WWC2: variants seen among roughly 807,000 people sequenced by gnomAD.
WWC2 encodes the protein WW and C2 domain containing 2.
In WWC2, 101 loss-of-function variants were observed where a neutral mutation model predicts 138.5. The ratio of observed to expected loss-of-function variants is 0.73; its 90% CI spans 0.62 to 0.86. WWC2 has a LOEUF of 0.86. WWC2 is among the 40% of genes least tolerant of loss of function. The pLI is 0.00. For synonymous variants in WWC2, 558 were observed against 538.4 expected, an observed-to-expected ratio of 1.04 and a Z score of -0.50; for missense variants, 1,420 against 1,419.4, an observed-to-expected ratio of 1.00 and a Z score of -0.01.
At chr4:183,161,007 A>G (rs907791121) in intron 1 of WWC2, among the ~76,000 whole-genome samples, 3 of 152,054 alleles carry the variant, frequency 2.0e-5, no homozygotes, top group African/African-American at 4.8e-5. Context: ...AATAAAATCT[A>G]TGCTTCTCTG....
intron 1 of WWC2, among the ~76,000 whole-genome samples, chr4:183,100,683 A>G (rs993325939): frequency 1.5e-4 from 23 of 152,328 alleles, no homozygotes; most frequent in African/African-American, 5.5e-4. Context: ...GAAATACCTA[A>G]CTACTTTATA....
At chr4:183,293,296 G>T (rs1388947476) in intron 21 of WWC2, among the ~76,000 whole-genome samples, 2 of 152,132 alleles carry the variant, frequency 1.3e-5, no homozygotes, top group Non-Finnish European at 2.9e-5. Context: ...AAAAATACAT[G>T]TTGACCATGT....
intron 1 of WWC2, among the ~76,000 whole-genome samples, chr4:183,134,227 C>T (rs1733040937): frequency 6.6e-6 from 1 of 151,510 alleles, no homozygotes; most frequent in African/African-American, 2.4e-5. Flanking sequence ...TTGACACTGA[C>T]ATTGTTCATC....
chr4:183,155,160 C>T (rs188225279), intron 1 of WWC2, among the ~76,000 whole-genome samples: 10 of 150,412 alleles, frequency 6.6e-5, no homozygotes, highest in Admixed American at 6.6e-4. Context: ...TATTTATTTG[C>T]AGCAAGTTCT....
intron 1 of WWC2, among the ~76,000 whole-genome samples, chr4:183,167,859 ATT>A (rs11389702): frequency 1.4e-5 from 2 of 141,504 alleles, no homozygotes; most frequent in Non-Finnish European, 3.0e-5. Flanking sequence ...GAAGTTTGTG[ATT>A]TTTTTTTTTT....
At chr4:183,161,993 T>A (rs915326113) in intron 1 of WWC2, among the ~76,000 whole-genome samples, 1 of 152,202 alleles carries the variant, frequency 6.6e-6, no homozygotes, top group East Asian at 1.9e-4. Context: ...TGGAGATGTC[T>A]CAGGGGAAGT....
At chr4:183,220,300 G>A (rs1735884214) in intron 4 of WWC2, among the ~76,000 whole-genome samples, 1 of 152,104 alleles carries the variant, frequency 6.6e-6, no homozygotes, top group Non-Finnish European at 1.5e-5. Flanking sequence ...TTAAATAATT[G>A]TAATTAATTT....
intron 6 of WWC2, among the ~76,000 whole-genome samples, chr4:183,247,513 C>T (rs150879828): frequency 0.037 from 5,164 of 138,934 alleles, 349 homozygotes; most frequent in African/African-American, 0.14. Context: ...ACTATATATA[C>T]ACTATACTAT....
At chr4:183,296,367 G>A (rs1427849390) in intron 21 of WWC2, among the ~76,000 whole-genome samples, 1 of 152,222 alleles carries the variant, frequency 6.6e-6, no homozygotes, top group Non-Finnish European at 1.5e-5. Context: ...CGAAGATCAT[G>A]GGACTGTTCA....
At position 183,271,168 on chromosome 4, in the gene WWC2, C is replaced by G; in HGVS notation, c.2489C>G (p.Pro830Arg). ...AACTTGCTTCCTTCCAAGCAAATGC[C>G]TTGCAAAAAGAATGAAGAAAATGAG... ...WYNLLPSKQM[P>R]CKKNEENEDS... Residue 830 changes from proline (P) to arginine (R), a missense_variant, in exon 16 of 23, where the codon CCT becomes CGT. Physicochemically the swap from Pro to Arg is moderately radical, Grantham distance 103. Transcript: ENST00000403733. 2 of 1,612,646 alleles carry G rather than the reference C, an allele frequency of 1.2e-6. No individual in the cohort carries two copies. The highest frequency in any genetic ancestry group is 1.7e-6 in the Non-Finnish European group (2 of 1,179,370).
rs1739298145 is a variant in WWC2 at position 183,312,627 on chromosome 4, T to C, written c.3512+159T>C. ...AATTTTCCATTTGCACCTGAGGTGA[T>C]AAATGTGACTGGCAGAGTTAAAGGC... is the stretch of plus-strand genomic sequence containing the variant. On this transcript the variant is annotated intron_variant, in intron 22 of 22. Coordinates refer to ENST00000403733, the MANE Select transcript of WWC2 (RefSeq NM_024949.6). Among the ~76,000 whole-genome samples the C allele has an allele frequency of 2.6e-5, 4 of 152,194 alleles. No individual in the cohort carries two copies. In the South Asian group the frequency reaches 8.3e-4, roughly 31 times the overall value.
intron 4 of WWC2, among the ~76,000 whole-genome samples, chr4:183,227,112 T>TCCCACC (rs1482297441): frequency 7.2e-6 from 1 of 138,346 alleles, no homozygotes; most frequent in East Asian, 2.2e-4. Context: ...CTAGCATACC[T>TCCCACC]CCCACCACCA....
intron 16 of WWC2, among the ~76,000 whole-genome samples, chr4:183,277,183 G>T (rs984880226): frequency 1.8e-4 from 25 of 138,780 alleles, no homozygotes; most frequent in African/African-American, 5.4e-4. Context: ...TCCTGTGTCC[G>T]TGTGATCTCA....
chr4:183,125,735 T>G (rs896164847), intron 1 of WWC2, among the ~76,000 whole-genome samples: 3 of 152,184 alleles, frequency 2.0e-5, no homozygotes, highest in African/African-American at 7.2e-5. Flanking sequence ...TTTACTTGAG[T>G]CTGTAGGTGT....
intron 4 of WWC2, among the ~76,000 whole-genome samples, chr4:183,236,029 G>C (rs1736413441): frequency 6.6e-6 from 1 of 152,072 alleles, no homozygotes; most frequent in Non-Finnish European, 1.5e-5. Flanking sequence ...CTTGATTTTT[G>C]TATATGAGAG....
At chr4:183,163,642 T>G (rs1477532690) in intron 1 of WWC2, among the ~76,000 whole-genome samples, 3 of 152,206 alleles carry the variant, frequency 2.0e-5, no homozygotes, top group Admixed American at 2.0e-4. Flanking sequence ...TCATTTTGGT[T>G]GTTTGACTTG....
chr4:183,188,487 C>G (rs957493842), intron 1 of WWC2, among the ~76,000 whole-genome samples: 2 of 152,094 alleles, frequency 1.3e-5, no homozygotes, highest in African/African-American at 4.8e-5. Flanking sequence ...ATCTGCCTGT[C>G]TCAGCATCCC....
chr4:183,107,831 G>T (rs1307409695), intron 1 of WWC2, among the ~76,000 whole-genome samples: 1 of 151,560 alleles, frequency 6.6e-6, no homozygotes, highest in Non-Finnish European at 1.5e-5. Flanking sequence ...ATAAGATTTG[G>T]TCCCAGCTCA....
At chr4:183,183,849 A>C (rs1393037239) in intron 1 of WWC2, among the ~76,000 whole-genome samples, 2 of 151,942 alleles carry the variant, frequency 1.3e-5, no homozygotes, top group African/African-American at 4.8e-5. Context: ...TCATTATTTT[A>C]TTGTATTTGG....
Sources: gnomAD v4.1 joint callset for allele counts (sites outside exome capture counted in the v4.1 genomes callset) on GRCh38, gnomAD v4.1.1 for gene constraint, MANE v1.5 for transcripts, NCBI Gene and HGNC (gene_info 2026-07-23, HGNC 2026-07-21) for gene names.